DNAH3: variants seen among roughly 807,000 people sequenced by gnomAD.
DNAH3 encodes the protein axonemal beta dynein heavy chain 3.
Under a neutral mutation model 432.5 loss-of-function variants are expected in DNAH3, and 332 were observed. That is an observed-to-expected ratio of 0.77 (90% confidence interval 0.70 to 0.84). The LOEUF is 0.84. Ranked by LOEUF, DNAH3 falls within the 40% of genes least tolerant of loss-of-function variation. The pLI is 0.00. For synonymous variants in DNAH3, 1,956 were observed against 1,900.2 expected (o/e 1.03, Z -0.76); for missense variants, 4,861 against 5,114.0 (o/e 0.95, Z 1.51).
In DNAH3 at chr16:21,134,461, C is replaced by T. The variant is rs767152417; in HGVS notation, c.887-7G>A. On this transcript the variant is annotated splice_region_variant and splice_polypyrimidine_tract_variant and intron_variant, in intron 6 of 61. Coordinates refer to ENST00000261383, the Ensembl canonical transcript of DNAH3. ...TCCATGAGGATGTAATCAACTACAA[C>T]CGGAAAGGGCGAACACCTCATTATT... 1.9e-5 allele frequency: 31 copies of T among 1,612,624 alleles called. No homozygotes were observed. The highest frequency in any genetic ancestry group is 8.4e-5 in the Admixed American group (5 of 59,866).
At chr16:21,038,383 G>A (rs1334329916) in intron 33 of DNAH3, among the ~76,000 whole-genome samples, 6 of 152,036 alleles carry the variant, frequency 3.9e-5, no homozygotes, top group Admixed American at 3.9e-4. Flanking sequence ...GGGCATGGTA[G>A]CATGGCACCT....
chr16:20,990,207 C>T (rs897127097), intron 44 of DNAH3, among the ~76,000 whole-genome samples: 3 of 152,258 alleles, frequency 2.0e-5, no homozygotes, highest in African/African-American at 7.2e-5. Context: ...TCACCTCTCA[C>T]TTTCACTTAC....
At chr16:20,959,281 C>G (rs1232161275) in exon 54 of DNAH3, 1 of 1,614,182 alleles carries the variant, frequency 6.2e-7, no homozygotes. Context: ...TAAGACCACC[C>G]AGGTCCCGTC....
chr16:21,007,159 A>G (rs2152697412), intron 41 of DNAH3, among the ~76,000 whole-genome samples: 1 of 150,516 alleles, frequency 6.6e-6, no homozygotes, highest in East Asian at 1.9e-4. Context: ...CATTTCCCTG[A>G]TGGCTAATAA....
At chr16:20,998,821 T>C (rs960236954) in intron 43 of DNAH3, among the ~76,000 whole-genome samples, 3 of 149,984 alleles carry the variant, frequency 2.0e-5, no homozygotes. Context: ...CCAGTTTGTG[T>C]GGGGTAACAT....
intron 11 of DNAH3, among the ~76,000 whole-genome samples, chr16:21,119,931 C>A (rs1185968627): frequency 6.6e-6 from 1 of 152,120 alleles, no homozygotes; most frequent in Non-Finnish European, 1.5e-5. Flanking sequence ...CTCAGGTGAT[C>A]CAGCCATCTT....
chr16:21,087,642 A>AT (rs1473432274), intron 18 of DNAH3, among the ~76,000 whole-genome samples: 1 of 152,240 alleles, frequency 6.6e-6, no homozygotes, highest in Admixed American at 6.5e-5. Flanking sequence ...GGAAAGGTGA[A>AT]TGGAGATATG....
chr16:21,075,404 T>C (rs765780436), intron 21 of DNAH3, 43 bp downstream of exon 21: 21 of 1,308,232 alleles, frequency 1.6e-5, no homozygotes, highest in Non-Finnish European at 1.4e-5. Context: ...GCATAATAAA[T>C]GGGGCTGCTT....
At chr16:21,159,269 T>C in intron 1 of DNAH3, 1 of 1,466,590 alleles carries the variant, frequency 6.8e-7, no homozygotes. Flanking sequence ...TCGACTCCCC[T>C]CTGAGTTCCC....
exon 32 of DNAH3, chr16:21,042,051 C>A: frequency 6.2e-7 from 1 of 1,613,834 alleles, no homozygotes; most frequent in Non-Finnish European, 8.5e-7. Context: ...GCAGTTCAGC[C>A]CTGCCAGCAT....
intron 44 of DNAH3, among the ~76,000 whole-genome samples, chr16:20,989,519 C>T (rs1407192622): frequency 6.6e-6 from 1 of 152,240 alleles, no homozygotes; most frequent in Non-Finnish European, 1.5e-5. Flanking sequence ...GTTTACAATC[C>T]CTGAGCTAGA....
intron 29 of DNAH3, among the ~76,000 whole-genome samples, chr16:21,050,347 CAAATA>C (rs1328374030): frequency 2.0e-5 from 3 of 152,148 alleles, no homozygotes; most frequent in Non-Finnish European, 4.4e-5. Context: ...ATAAATGAAT[CAAATA>C]AAAGTGAGAA....
intron 3 of DNAH3, 95 bp from the exon 5 acceptor site, chr16:21,141,467 A>C (rs1478213862): frequency 1.1e-6 from 1 of 878,902 alleles, no homozygotes; most frequent in East Asian, 2.7e-5. Flanking sequence ...GTCCAGGAGC[A>C]CACTAAGGGG....
At chr16:21,155,387 G>T (rs1028433028) in intron 1 of DNAH3, among the ~76,000 whole-genome samples, 3 of 152,016 alleles carry the variant, frequency 2.0e-5, no homozygotes, top group Non-Finnish European at 2.9e-5. Context: ...ACTTTGGAAG[G>T]CCGAGGCAGG....
intron 38 of DNAH3, among the ~76,000 whole-genome samples, chr16:21,026,484 C>T (rs1255316001): frequency 6.6e-6 from 1 of 151,738 alleles, no homozygotes; most frequent in Non-Finnish European, 1.5e-5. Context: ...AGGCAGATCA[C>T]GATGTCAGGA....
intron 18 of DNAH3, 135 bp from the exon 19 acceptor site, chr16:21,087,195 A>G: frequency 1.4e-6 from 1 of 723,718 alleles, no homozygotes; most frequent in South Asian, 1.8e-5. Flanking sequence ...AGGATCTGAA[A>G]CCTGCACTTA....
At chr16:21,156,229 T>A (rs1027188125) in intron 1 of DNAH3, among the ~76,000 whole-genome samples, 17 of 150,394 alleles carry the variant, frequency 1.1e-4, no homozygotes, top group African/African-American at 2.4e-4. Context: ...ATTTTATTAT[T>A]TTATTTTATT....
At chr16:20,940,312 C>T (rs1014920136) in intron 59 of DNAH3, among the ~76,000 whole-genome samples, 10 of 151,994 alleles carry the variant, frequency 6.6e-5, no homozygotes, top group African/African-American at 1.9e-4. Flanking sequence ...ATCCTCCCGG[C>T]TTGCCTCCCA....
At chr16:21,064,099 C>T (rs1442343112) in intron 24 of DNAH3, among the ~76,000 whole-genome samples, 1 of 152,190 alleles carries the variant, frequency 6.6e-6, no homozygotes, top group African/African-American at 2.4e-5. Context: ...CTTGAGCTGG[C>T]TCTGTGTCTT....
Sources: gnomAD v4.1 joint callset for allele counts (sites outside exome capture counted in the v4.1 genomes callset) on GRCh38, gnomAD v4.1.1 for gene constraint, MANE v1.5 for transcripts, NCBI Gene and HGNC (gene_info 2026-07-23, HGNC 2026-07-21) for gene names.